Variants in NADK2 observed in about 807,000 individuals in gnomAD.
NADK2 encodes the protein NAD kinase 2, mitochondrial.
In NADK2, 35 loss-of-function variants were observed where a neutral mutation model predicts 62.1. The ratio of observed to expected loss-of-function variants is 0.56; its 90% CI spans 0.43 to 0.75. The LOEUF is 0.75. Ranked by LOEUF, NADK2 falls within the 30% of genes least tolerant of loss-of-function variation. The pLI, the probability that NADK2 is intolerant of heterozygous loss-of-function variation, is 0.00. For synonymous variants in NADK2, 205 were observed against 207.9 expected (o/e 0.99, Z 0.12); for missense variants, 439 against 561.3 (o/e 0.78, Z 2.20).
chr5:36,235,906 T>A (rs949323938), intron 1 of NADK2, among the ~76,000 whole-genome samples: 10 of 2,782 alleles, frequency 3.6e-3, no homozygotes, highest in East Asian at 9.3e-3. Flanking sequence ...TATATATATA[T>A]AAAAAATAAA....
chr5:36,229,539 C>G (rs186665234), intron 1 of NADK2, among the ~76,000 whole-genome samples: 1 of 151,826 alleles, frequency 6.6e-6, no homozygotes, highest in South Asian at 2.1e-4. Context: ...ACTATCATTA[C>G]CCAGCTACAG....
chr5:36,195,501 G>A (rs922681032), intron 11 of NADK2, among the ~76,000 whole-genome samples: 2 of 152,040 alleles, frequency 1.3e-5, no homozygotes, highest in East Asian at 1.9e-4. Flanking sequence ...CAGTAAAGAA[G>A]TGCAGACCTG....
Position 36,241,863 on chromosome 5 carries a change from A to G in NADK2, c.-65T>C. ...CTTGCCTCAGCTCCCTACCGCCGGG[A>G]GTGCGCGCCGTCCGCGCCGCCCGGG... is the stretch of plus-strand genomic sequence containing the variant. On this transcript the variant is annotated 5_prime_UTR_variant, in exon 1 of 12. Transcript: ENST00000381937. The surrounding 1 kb of genome is among the most constrained non-coding windows in gnomAD (Gnocchi z 4.9). 8.7e-7 allele frequency: 1 copy of G among 1,150,828 alleles called. No individual in the cohort carries two copies. The highest frequency in any genetic ancestry group is 2.8e-5 in the South Asian group (1 of 35,218). The allele number at this position is 1,150,828 out of a possible 1,614,324, so 71.3% of individuals were successfully genotyped here. A position where few individuals can be genotyped will look rare whatever the true frequency, so the allele number is the denominator to read the frequency against.
At chr5:36,230,193 T>C (rs997887292) in intron 1 of NADK2, among the ~76,000 whole-genome samples, 2 of 152,132 alleles carry the variant, frequency 1.3e-5, no homozygotes, top group African/African-American at 4.8e-5. Context: ...CCACCTGACT[T>C]CTGCTCCTTT....
At chr5:36,237,571 T>C (rs1438816983) in intron 1 of NADK2, among the ~76,000 whole-genome samples, 1 of 152,256 alleles carries the variant, frequency 6.6e-6, no homozygotes, top group Non-Finnish European at 1.5e-5. Context: ...TGAATCATTT[T>C]ATGTGCTACT....
intron 1 of NADK2, among the ~76,000 whole-genome samples, chr5:36,229,831 G>T (rs1747639152): frequency 6.7e-6 from 1 of 149,694 alleles, no homozygotes; most frequent in Admixed American, 6.6e-5. Context: ...TATTCATTCA[G>T]TATCTAGCAT....
In NADK2 at chr5:36,241,080, G is replaced by C. The variant is rs1446088692; in HGVS notation, c.300+419C>G. On this transcript the variant is annotated intron_variant, in intron 1 of 11. Coordinates refer to ENST00000381937, the MANE Select transcript of NADK2 (RefSeq NM_001085411.3). The surrounding 1 kb of genome is among the most constrained non-coding windows in gnomAD (Gnocchi z 4.9). ...GCCCCCTTTCTCGCGGCGGCCAGGG[G>C]AGCTGTTCGCAGGGCGTCCAGACCT... 4.6e-5 allele frequency among the ~76,000 whole-genome samples: 7 copies of C among 152,152 alleles called. No homozygotes were observed. Among genetic ancestry groups the C allele is most frequent in the African/African-American group, 1.2e-4 (5 of 41,496 alleles).
In NADK2 at chr5:36,241,068, C is replaced by T. The variant is rs951661272; in HGVS notation, c.300+431G>A. Among the ~76,000 whole-genome samples, 2 of 152,100 alleles carry T rather than the reference C, an allele frequency of 1.3e-5. No homozygotes were observed. The highest frequency in any genetic ancestry group is 2.9e-5 in the Non-Finnish European group (2 of 68,004). On this transcript the variant is annotated intron_variant, in intron 1 of 11. Transcript: ENST00000381937. This position sits in a 1 kb window ranked among gnomAD's most constrained non-coding sequence, Gnocchi z 4.9. Reference sequence around the variant, plus strand: ...GCGGCGCCCTGGGCCCCCTTTCTCGCGGCGGCCAGGGGAGCTGTTCGCAGG... The same window carrying T: ...GCGGCGCCCTGGGCCCCCTTTCTCGTGGCGGCCAGGGGAGCTGTTCGCAGG...
chr5:36,229,470 A>G (rs1405694885), intron 1 of NADK2, among the ~76,000 whole-genome samples: 1 of 152,052 alleles, frequency 6.6e-6, no homozygotes, highest in African/African-American at 2.4e-5. Flanking sequence ...GGTTTGAAAA[A>G]CTATTTTAGA....
chr5:36,206,423 A>C (rs1190536653), intron 8 of NADK2, among the ~76,000 whole-genome samples: 1 of 151,976 alleles, frequency 6.6e-6, no homozygotes, highest in African/African-American at 2.4e-5. Flanking sequence ...CCAAAGCAGC[A>C]GCAGTAGAAA....
chr5:36,233,129 C>CT (rs1747767092), intron 1 of NADK2, among the ~76,000 whole-genome samples: 1 of 152,146 alleles, frequency 6.6e-6, no homozygotes, highest in African/African-American at 2.4e-5. Flanking sequence ...AATCTATGTA[C>CT]TTTAAGTTCA....
intron 1 of NADK2, among the ~76,000 whole-genome samples, chr5:36,236,917 C>A: frequency 6.9e-6 from 1 of 145,346 alleles, no homozygotes; most frequent in Non-Finnish European, 1.5e-5. Flanking sequence ...GAAGAGCATT[C>A]AAATCAAAGG....
chr5:36,207,032 G>T, intron 8 of NADK2, 138 bp downstream of exon 8: 1 of 670,180 alleles, frequency 1.5e-6, no homozygotes, highest in South Asian at 1.8e-5. Context: ...CCCAAATGAT[G>T]AATGAAACAG....
intron 1 of NADK2, among the ~76,000 whole-genome samples, chr5:36,229,582 G>A (rs1229872631): frequency 1.3e-5 from 2 of 151,758 alleles, no homozygotes; most frequent in African/African-American, 2.4e-5. Context: ...ACCTCTCAGT[G>A]AGTATGGACC....
intron 8 of NADK2, among the ~76,000 whole-genome samples, chr5:36,204,340 G>A (rs1021675927): frequency 1.3e-5 from 2 of 152,108 alleles, no homozygotes; most frequent in African/African-American, 4.8e-5. Context: ...AAGCTAGTCT[G>A]TGGTTTAATC....
intron 6 of NADK2, among the ~76,000 whole-genome samples, chr5:36,214,797 C>T (rs992160847): frequency 6.6e-6 from 1 of 152,184 alleles, no homozygotes; most frequent in African/African-American, 2.4e-5. Flanking sequence ...ACGGTAGCAG[C>T]CACTATTTGG....
At position 36,223,226 on chromosome 5, in the gene NADK2, C is replaced by CA. The variant is rs935362379; in HGVS notation, c.560+2315dup. 1.5e-3 allele frequency among the ~76,000 whole-genome samples: 214 copies of CA among 145,610 alleles called. 1 individual carries two copies. Among genetic ancestry groups the CA allele is most frequent in the African/African-American group, 4.3e-3 (169 of 39,602 alleles). ...CCCTAAGTTAGATGGGGAGCCACGA[C>CA]AAAAAAAAAATCTAGGCAGAGAAGT... On this transcript the variant is annotated intron_variant, in intron 4 of 11. Transcript: ENST00000381937.
At chr5:36,198,821 AT>A (rs1222925905) in intron 10 of NADK2, among the ~76,000 whole-genome samples, 6 of 151,926 alleles carry the variant, frequency 3.9e-5, no homozygotes, top group Non-Finnish European at 5.9e-5. Context: ...GGAGACCAGA[AT>A]CCATTTTAGA....
chr5:36,217,695 G>A, intron 6 of NADK2, 53 bp downstream of exon 6: 1 of 1,606,412 alleles, frequency 6.2e-7, no homozygotes, highest in Non-Finnish European at 8.5e-7. Context: ...TGAGGTCAAA[G>A]GAGCTATGAG....
Sources: allele counts gnomAD v4.1 joint callset (sites outside exome capture counted in the v4.1 genomes callset), GRCh38; gene constraint gnomAD v4.1.1; non-coding constraint Gnocchi (gnomAD v3.1); transcripts MANE v1.5; gene names NCBI Gene and HGNC (gene_info 2026-07-23, HGNC 2026-07-21).